Variants in ZNF155 observed in about 807,000 individuals in gnomAD.
ZNF155 encodes the protein zinc finger protein 155, also known as KRAB A domain.
ZNF155 carries 15 observed loss-of-function variants against 11.9 expected under a neutral mutation model. The observed-to-expected ratio is 1.26, with a 90% confidence interval of 0.84 to 1.94. The LOEUF is 1.94. Ranked by LOEUF, ZNF155 falls within the 30% of genes most tolerant of loss-of-function variation. ZNF155 has a pLI of 0.00. For synonymous variants in ZNF155, 212 were observed against 219.9 expected (o/e 0.96, Z 0.32); for missense variants, 602 against 639.1 (o/e 0.94, Z 0.63).
At chr19:43,986,598 G>C (rs565635164) in intron 1 of ZNF155, among the ~76,000 whole-genome samples, 2 of 151,680 alleles carry the variant, frequency 1.3e-5, no homozygotes, top group Non-Finnish European at 2.9e-5. Context: ...TACAGGTGCC[G>C]GCCACCATGC....
At chr19:43,985,382 G>A (rs1462968474) in intron 1 of ZNF155, among the ~76,000 whole-genome samples, 5 of 151,926 alleles carry the variant, frequency 3.3e-5, no homozygotes, top group African/African-American at 1.2e-4. Context: ...TTACAGAGAT[G>A]TTCACCTCAA....
intron 4 of ZNF155, among the ~76,000 whole-genome samples, chr19:43,993,588 A>AT (rs1399206297): frequency 6.6e-6 from 1 of 152,028 alleles, no homozygotes; most frequent in Non-Finnish European, 1.5e-5. Context: ...TAATTTTTGT[A>AT]TTTTTAGTAG....
intron 1 of ZNF155, among the ~76,000 whole-genome samples, chr19:43,985,533 CTTTTTTTTTTT>C (rs752604890): frequency 1.0e-5 from 1 of 97,876 alleles, no homozygotes; most frequent in Non-Finnish European, 2.2e-5. Flanking sequence ...TGCTCTTTTT[CTTTTTTTTTTT>C]TTTTTTTTTT....
rs921282625 is a variant in ZNF155, at chr19:43,997,823, A to G, written c.*349A>G. ...CCAGCCCATTCAGGTAAAAACTCGC[A>G]CAAACCTCCGGCTCACTCAGTTAAG... is the stretch of plus-strand genomic sequence containing the variant. On this transcript the variant is annotated 3_prime_UTR_variant, in exon 5 of 5. Transcript: ENST00000270014. 1.6e-5 allele frequency: 3 copies of G among 186,494 alleles called. No homozygotes were observed. The East Asian group carries it at 4.4e-4, about 27-fold the overall frequency. The allele number at this position is 186,494 out of a possible 1,614,324, so 11.6% of individuals were successfully genotyped here. A position where few individuals can be genotyped will look rare whatever the true frequency, so the allele number is the denominator to read the frequency against.
At chr19:43,991,489 G>C in intron 2 of ZNF155, 59 bp from the exon 3 acceptor site, 1 of 1,612,014 alleles carries the variant, frequency 6.2e-7, no homozygotes, top group Non-Finnish European at 8.5e-7. Context: ...GCTCAATGCC[G>C]CTTCTCCCCC....
chr19:43,987,110 G>A (rs1162397637), intron 1 of ZNF155, among the ~76,000 whole-genome samples: 4 of 152,128 alleles, frequency 2.6e-5, no homozygotes, highest in Admixed American at 6.6e-5. Flanking sequence ...TTAAATATTA[G>A]ATATCTGTTT....
chr19:43,987,260 T>C (rs1975494796), intron 1 of ZNF155, among the ~76,000 whole-genome samples: 1 of 152,220 alleles, frequency 6.6e-6, no homozygotes, highest in Non-Finnish European at 1.5e-5. Context: ...AACTATCTTC[T>C]ACCCTACCCT....
Position 43,997,623 on chromosome 19 carries a change from T to TAGAC in ZNF155, c.*152_*155dup. The TAGAC allele has an allele frequency of 2.5e-6, 2 of 810,108 alleles. No individual in the cohort carries two copies. The highest frequency in any genetic ancestry group is 3.7e-6 in the Non-Finnish European group (2 of 539,336). The allele number at this position is 810,108 out of a possible 1,614,324, so 50.2% of individuals were successfully genotyped here. A position where few individuals can be genotyped will look rare whatever the true frequency, so the allele number is the denominator to read the frequency against. ...TCAAAATCCATTTGAGAGGAGTTGG[T>TAGAC]AGACAGCAAGGGAAGGGTCCCTGGA... On this transcript the variant is annotated 3_prime_UTR_variant, in exon 5 of 5. Coordinates refer to ENST00000270014, the MANE Select transcript of ZNF155 (RefSeq NM_198089.3).
In ZNF155 at chr19:43,997,895, C is replaced by G. The variant is rs1281829615; in HGVS notation, c.*421C>G. 6.4e-6 allele frequency: 1 copy of G among 156,436 alleles called. No homozygotes were observed. The highest frequency in any genetic ancestry group is 1.4e-5 in the Non-Finnish European group (1 of 70,994). The allele number at this position is 156,436 out of a possible 1,614,324, so 9.7% of individuals were successfully genotyped here. A position where few individuals can be genotyped will look rare whatever the true frequency, so the allele number is the denominator to read the frequency against. On this transcript the variant is annotated 3_prime_UTR_variant, in exon 5 of 5. Coordinates refer to ENST00000270014, the MANE Select transcript of ZNF155 (RefSeq NM_198089.3). Reference sequence around the variant, plus strand: ...ATGCCTTTGTCCTTTGTATAATCAGCAGGCTCCGAGGAAAAAGTTTCTTCT... The same window carrying G: ...ATGCCTTTGTCCTTTGTATAATCAGGAGGCTCCGAGGAAAAAGTTTCTTCT...
chr19:43,990,589 T>C (rs1485937969), intron 2 of ZNF155, among the ~76,000 whole-genome samples: 3 of 152,238 alleles, frequency 2.0e-5, no homozygotes, highest in Non-Finnish European at 4.4e-5. Flanking sequence ...TGATGCATTC[T>C]GGCTTCTGAT....
In ZNF155 at chr19:43,996,502, A is replaced by C; in HGVS notation, c.645A>C (p.Gln215His). 1 of 1,614,180 alleles carries C rather than the reference A, an allele frequency of 6.2e-7. No individual in the cohort carries two copies. The highest frequency in any genetic ancestry group is 8.5e-7 in the Non-Finnish European group (1 of 1,180,026). ...ATGTGTGTGGCAAGGAATTTAGTCA[A>C]AGCTCACATCTGCAAACTCATCAGA... ...MCDVCGKEFS[Q>H]SSHLQTHQRV... Residue 215 changes from glutamine (Q) to histidine (H), a missense_variant, in exon 5 of 5, where the codon CAA (glutamine) becomes CAC (histidine). Gln to His is a conservative substitution (Grantham distance 24, BLOSUM62 0). Coordinates refer to ENST00000270014, the MANE Select transcript of ZNF155 (RefSeq NM_198089.3).
In ZNF155 at chr19:43,996,602, G is replaced by GATT; in HGVS notation, c.745_746insATT (p.Val249delinsAspPhe). The GATT allele has an allele frequency of 6.2e-7, 1 of 1,612,958 alleles. No individual in the cohort carries two copies. Among genetic ancestry groups the GATT allele is most frequent in the East Asian group, 2.2e-5 (1 of 44,822 alleles). ...TTTCAGTCGTAGATCAGCACTTAAT[G>GATT]TTCATCGTAAATTACACACAGGAGA... On this transcript the variant is annotated protein_altering_variant, in exon 5 of 5. Transcript: ENST00000270014.
chr19:43,995,615 C>G (rs1323263880), intron 4 of ZNF155, among the ~76,000 whole-genome samples: 1 of 152,056 alleles, frequency 6.6e-6, no homozygotes, highest in African/African-American at 2.4e-5. Flanking sequence ...AACTGCTGGA[C>G]TCCAGTGATC....
intron 3 of ZNF155, 41 bp downstream of exon 3, chr19:43,991,715 G>A (rs1294870536): frequency 1.2e-6 from 2 of 1,613,346 alleles, no homozygotes; most frequent in Admixed American, 3.3e-5. Context: ...TCAGGCCTCA[G>A]GAGTGGTTTT....
chr19:43,984,528 T>C (rs1599834002), intron 1 of ZNF155, among the ~76,000 whole-genome samples: 1 of 152,070 alleles, frequency 6.6e-6, no homozygotes, highest in South Asian at 2.1e-4. Flanking sequence ...CCTCGTTCAG[T>C]CCGCCTCCCT....
At chr19:43,984,521 C>T (rs547580003) in intron 1 of ZNF155, among the ~76,000 whole-genome samples, 13 of 152,128 alleles carry the variant, frequency 8.5e-5, no homozygotes, top group African/African-American at 3.1e-4. Context: ...TGTTTGACCT[C>T]GTTCAGTCCG....
At chr19:43,993,928 A>G (rs1218673834) in intron 4 of ZNF155, among the ~76,000 whole-genome samples, 1 of 152,218 alleles carries the variant, frequency 6.6e-6, no homozygotes, top group Non-Finnish European at 1.5e-5. Flanking sequence ...ACATATTTCA[A>G]TATAACCCGG....
At position 43,996,651 on chromosome 19, in the gene ZNF155, G is replaced by T. The variant is rs1975881363; in HGVS notation, c.794G>T (p.Cys265Phe). 1 of 1,614,196 alleles carries T rather than the reference G, an allele frequency of 6.2e-7. No homozygotes were observed. Among genetic ancestry groups the T allele is most frequent in the Non-Finnish European group, 8.5e-7 (1 of 1,180,038 alleles). ...GAGAAACCTTACATTTGTGAGGCAT[G>T]TGGGAAGGCCTTCATTCATGATTCC... The part of the protein sequence containing the change: ...TGEKPYICEA[C>F]GKAFIHDSQL... The change falls in exon 5 of 5, where the codon TGT becomes TTT. Residue 265 changes from cysteine to phenylalanine, a missense_variant. Transcript: ENST00000270014.
At chr19:43,993,719 C>T (rs1467292542) in intron 4 of ZNF155, among the ~76,000 whole-genome samples, 1 of 152,152 alleles carries the variant, frequency 6.6e-6, no homozygotes, top group Non-Finnish European at 1.5e-5. Context: ...CAGCCAAGAC[C>T]TCTTATTTAT....
Sources: allele counts gnomAD v4.1 joint callset (sites outside exome capture counted in the v4.1 genomes callset), GRCh38; gene constraint gnomAD v4.1.1; transcripts MANE v1.5; gene names NCBI Gene and HGNC (gene_info 2026-07-23, HGNC 2026-07-21).